Variants in MAD1L1 observed in about 807,000 individuals in gnomAD.
MAD1L1 encodes mitotic spindle assembly checkpoint protein MAD1.
In MAD1L1, 95 loss-of-function variants were observed where a neutral mutation model predicts 96.9. The ratio of observed to expected loss-of-function variants is 0.98; its 90% CI spans 0.83 to 1.16. The LOEUF (loss-of-function observed/expected upper bound fraction) is 1.16, where lower values mean the gene tolerates loss of function less well. MAD1L1 is among the 50% of genes most tolerant of loss of function. The pLI is 0.00. For missense variants in MAD1L1, 1,007 were observed against 954.4 expected (o/e 1.06, Z -0.73); for synonymous variants, 473 against 396.6 (o/e 1.19, Z -2.29).
chr7:2,058,538 A>C (rs1165721459), intron 12 of MAD1L1, among the ~76,000 whole-genome samples: 1 of 72,322 alleles, frequency 1.4e-5, no homozygotes, highest in South Asian at 8.5e-4. Context: ...AGGGCTGGAG[A>C]GGGAGTGTGG....
At chr7:2,000,193 C>T (rs769916112) in intron 14 of MAD1L1, among the ~76,000 whole-genome samples, 3 of 152,254 alleles carry the variant, frequency 2.0e-5, no homozygotes, top group Non-Finnish European at 2.9e-5. Flanking sequence ...GGCGGAATGC[C>T]GAAGCCGTCC....
At chr7:2,206,751 T>C (rs368316884) in intron 10 of MAD1L1, among the ~76,000 whole-genome samples, 1 of 151,800 alleles carries the variant, frequency 6.6e-6, no homozygotes, top group African/African-American at 2.4e-5. Context: ...GTTATGGCTA[T>C]AACAATTTAT....
intron 18 of MAD1L1, among the ~76,000 whole-genome samples, chr7:1,891,686 T>C (rs1464235804): frequency 6.6e-6 from 1 of 152,142 alleles, no homozygotes; most frequent in Non-Finnish European, 1.5e-5. Context: ...GCTCAAGTAA[T>C]TCTCCCGCCT....
At position 2,142,320 on chromosome 7, in the gene MAD1L1, G is replaced by A. The variant is rs1244653980; in HGVS notation, c.1073+6832C>T. On this transcript the variant is annotated intron_variant, in intron 11 of 18. Coordinates refer to ENST00000265854, the MANE Select transcript of MAD1L1 (RefSeq NM_001013836.2). The surrounding 1 kb of genome is among the most constrained non-coding windows in gnomAD (Gnocchi z 4.7). ...AGGGCCCCGTTCTAGAGACAGACAA[G>A]GAGCCTCAAAAGGCTGTCCCCTGGT... is the stretch of plus-strand genomic sequence containing the variant. 1.3e-5 allele frequency among the ~76,000 whole-genome samples: 2 copies of A among 152,242 alleles called. No individual in the cohort carries two copies. The highest frequency in any genetic ancestry group is 2.1e-4 in the South Asian group (1 of 4,838).
intron 11 of MAD1L1, among the ~76,000 whole-genome samples, chr7:2,120,099 C>T (rs1221721491): frequency 5.3e-5 from 8 of 152,198 alleles, no homozygotes; most frequent in Admixed American, 2.6e-4. Context: ...AGTGGAGCCT[C>T]CTGCAGTCCC....
chr7:1,997,721 G>A (rs1781619301), intron 14 of MAD1L1, among the ~76,000 whole-genome samples: 1 of 152,236 alleles, frequency 6.6e-6, no homozygotes, highest in African/African-American at 2.4e-5. Flanking sequence ...GCGGGGGGCA[G>A]GGGAGGGAGG....
rs1786139479 is a variant in MAD1L1, at chr7:2,090,274, G to A, written c.1074-20936C>T. Among the ~76,000 whole-genome samples, 4 of 152,242 alleles carry A rather than the reference G, an allele frequency of 2.6e-5. No individual in the cohort carries two copies. In the South Asian group the frequency reaches 8.3e-4, roughly 32 times the overall value. Reference sequence around the variant, plus strand: ...TCACCGGCGCTCGGGGAGGGGCCAGGTCCACTGCCAGTTGAATCTGGTTCT... The same window carrying A: ...TCACCGGCGCTCGGGGAGGGGCCAGATCCACTGCCAGTTGAATCTGGTTCT... On this transcript the variant is annotated intron_variant, in intron 11 of 18. Coordinates refer to ENST00000265854, the MANE Select transcript of MAD1L1 (RefSeq NM_001013836.2).
At chr7:1,888,223 T>A (rs895856883) in intron 18 of MAD1L1, among the ~76,000 whole-genome samples, 14 of 150,750 alleles carry the variant, frequency 9.3e-5, no homozygotes, top group African/African-American at 2.7e-4. Context: ...TGTGTGTGCA[T>A]GCATGCATGT....
chr7:1,982,264 C>G, intron 14 of MAD1L1, among the ~76,000 whole-genome samples: 1 of 152,040 alleles, frequency 6.6e-6, no homozygotes. Context: ...CACCCAGGCT[C>G]GAGTGCAGTG....
At chr7:2,224,251 T>C (rs1793764069) in intron 4 of MAD1L1, among the ~76,000 whole-genome samples, 1 of 152,104 alleles carries the variant, frequency 6.6e-6, no homozygotes, top group South Asian at 2.1e-4. Context: ...TCCAGACCAA[T>C]GACCTGGTGG....
chr7:2,043,320 G>A (rs1256489370), intron 12 of MAD1L1, among the ~76,000 whole-genome samples: 1 of 152,238 alleles, frequency 6.6e-6, no homozygotes, highest in Non-Finnish European at 1.5e-5. Context: ...ACAGCGCAGT[G>A]CAGTGCGGCA....
At chr7:2,074,108 G>T (rs528147320) in intron 11 of MAD1L1, among the ~76,000 whole-genome samples, 1 of 152,302 alleles carries the variant, frequency 6.6e-6, no homozygotes, top group South Asian at 2.1e-4. Context: ...TACCCAGTCT[G>T]TTCAGCACAC....
intron 10 of MAD1L1, among the ~76,000 whole-genome samples, chr7:2,168,604 T>C (rs553354592): frequency 6.6e-6 from 1 of 152,368 alleles, no homozygotes; most frequent in East Asian, 1.9e-4. Flanking sequence ...CTCATCCTGA[T>C]CTGTGATTCT....
intron 12 of MAD1L1, among the ~76,000 whole-genome samples, chr7:2,063,885 A>G (rs960489775): frequency 6.6e-6 from 1 of 152,102 alleles, no homozygotes; most frequent in Non-Finnish European, 1.5e-5. Context: ...AGCACACACA[A>G]TCCTGCAGAG....
intron 10 of MAD1L1, among the ~76,000 whole-genome samples, chr7:2,204,834 G>GT (rs1480891021): frequency 5.9e-5 from 9 of 152,208 alleles, no homozygotes; most frequent in Non-Finnish European, 1.2e-4. Context: ...GGGTCACACC[G>GT]TAAGTGTGTA....
At chr7:2,018,269 G>A (rs533574883) in intron 12 of MAD1L1, among the ~76,000 whole-genome samples, 282 of 152,320 alleles carry the variant, frequency 1.9e-3, no homozygotes, top group Non-Finnish European at 3.3e-3. Flanking sequence ...AACCACACAG[G>A]AGAGGGCAGA....
chr7:1,827,280 T>C (rs13225346), intron 18 of MAD1L1, among the ~76,000 whole-genome samples: 65,390 of 151,960 alleles, frequency 0.43, 14,152 homozygotes, highest in Non-Finnish European at 0.45. Context: ...CAGAACACAA[T>C]GAAGGTTAAG....
intron 12 of MAD1L1, among the ~76,000 whole-genome samples, chr7:2,021,105 C>A (rs958896361): frequency 5.9e-5 from 9 of 152,114 alleles, no homozygotes; most frequent in African/African-American, 2.2e-4. Context: ...AAGGTGGAAC[C>A]TACTCATGAC....
At chr7:2,111,593 C>A (rs1787384290) in intron 11 of MAD1L1, among the ~76,000 whole-genome samples, 1 of 152,238 alleles carries the variant, frequency 6.6e-6, no homozygotes, top group South Asian at 2.1e-4. Context: ...TCCATGATGA[C>A]CACAAGTCCA....
Sources: allele counts gnomAD v4.1 joint callset (sites outside exome capture counted in the v4.1 genomes callset), GRCh38; gene constraint gnomAD v4.1.1; non-coding constraint Gnocchi (gnomAD v3.1); transcripts MANE v1.5; gene names NCBI Gene and HGNC (gene_info 2026-07-23, HGNC 2026-07-21).